The following MECOM variants were observed in gnomAD, a reference collection of about 807,000 sequenced individuals.
MECOM encodes histone-lysine N-methyltransferase MECOM.
Under a neutral mutation model 116.3 loss-of-function variants are expected in MECOM, and 13 were observed. The observed-to-expected ratio is 0.11, with a 90% CI of 0.07 to 0.18. The LOEUF is 0.18. Among genes scored for constraint, MECOM ranks in the 10% least tolerant of loss-of-function variants. MECOM has a pLI of 1.00. For missense variants in MECOM, 1,299 were observed against 1,509.0 expected (o/e 0.86, Z 2.31); for synonymous variants, 528 against 535.2 (o/e 0.99, Z 0.19).
At chr3:169,604,482 A>C (rs901949136) in intron 1 of MECOM, among the ~76,000 whole-genome samples, 5 of 152,198 alleles carry the variant, frequency 3.3e-5, no homozygotes, top group Admixed American at 1.3e-4. Context: ...ACTACTTTGC[A>C]TTTGTACCCC....
intron 1 of MECOM, among the ~76,000 whole-genome samples, chr3:169,648,048 G>A (rs1774399802): frequency 6.6e-6 from 1 of 152,132 alleles, no homozygotes; most frequent in South Asian, 2.1e-4. Flanking sequence ...AAACACCACA[G>A]AGAGCATTTT....
chr3:169,215,879 C>T (rs1392949676), intron 2 of MECOM, among the ~76,000 whole-genome samples: 2 of 152,222 alleles, frequency 1.3e-5, no homozygotes, highest in African/African-American at 4.8e-5. Context: ...GGCATTCCGC[C>T]TCAGCTGGCA....
At chr3:169,331,481 A>G (rs1450323201) in intron 2 of MECOM, among the ~76,000 whole-genome samples, 2 of 152,202 alleles carry the variant, frequency 1.3e-5, no homozygotes, top group Non-Finnish European at 1.5e-5. Flanking sequence ...AAGAGGATTT[A>G]TATAATAAAA....
chr3:169,243,380 T>G (rs867015566), intron 2 of MECOM, among the ~76,000 whole-genome samples: 19 of 152,168 alleles, frequency 1.2e-4, no homozygotes, highest in African/African-American at 4.6e-4. Context: ...AGGCTATTCT[T>G]GCATAACCAT....
chr3:169,477,490 T>C (rs1170811710), intron 1 of MECOM, among the ~76,000 whole-genome samples: 1 of 152,110 alleles, frequency 6.6e-6, no homozygotes, highest in Admixed American at 6.5e-5. Context: ...CTGCAGGATT[T>C]TTATGTGAGA....
At chr3:169,399,185 G>C (rs1227195344) in intron 1 of MECOM, among the ~76,000 whole-genome samples, 1 of 152,128 alleles carries the variant, frequency 6.6e-6, no homozygotes, top group African/African-American at 2.4e-5. Flanking sequence ...CTCAGTGGCT[G>C]TAAATACACT....
At chr3:169,220,761 C>T (rs1437076182) in intron 2 of MECOM, among the ~76,000 whole-genome samples, 1 of 152,174 alleles carries the variant, frequency 6.6e-6, no homozygotes, top group African/African-American at 2.4e-5. Context: ...AGGCTTAAGC[C>T]ACCGTGCCTG....
intron 1 of MECOM, among the ~76,000 whole-genome samples, chr3:169,653,806 G>T (rs888023821): frequency 1.3e-5 from 2 of 152,136 alleles, no homozygotes; most frequent in Non-Finnish European, 2.9e-5. Context: ...AGGAAACTGA[G>T]GCACAAAAAG....
intron 1 of MECOM, among the ~76,000 whole-genome samples, chr3:169,523,517 TG>T (rs1378681043): frequency 6.6e-6 from 1 of 151,976 alleles, no homozygotes; most frequent in Non-Finnish European, 1.5e-5. Flanking sequence ...AATTACATAC[TG>T]GGTTCTGTAC....
chr3:169,432,861 G>A lies in MECOM; in HGVS notation c.38-51337C>T, dbSNP rs1281255212. Reference sequence around the variant, plus strand: ...TTGTTCTATTCTGTGCCAAGATTCTGCTCCAGCTGCAACTAAATAGTGGTT... The same window carrying A: ...TTGTTCTATTCTGTGCCAAGATTCTACTCCAGCTGCAACTAAATAGTGGTT... On this transcript the variant is annotated intron_variant, in intron 1 of 16. Transcript: ENST00000651503. 2.6e-5 allele frequency among the ~76,000 whole-genome samples: 4 copies of A among 152,298 alleles called. No homozygotes were observed. In the South Asian group the frequency reaches 8.3e-4, roughly 32 times the overall value.
At chr3:169,413,560 G>T (rs944671628) in intron 1 of MECOM, among the ~76,000 whole-genome samples, 2 of 151,938 alleles carry the variant, frequency 1.3e-5, no homozygotes, top group African/African-American at 4.8e-5. Context: ...CCTGCAAAGG[G>T]GGCTGAAGCC....
intron 1 of MECOM, among the ~76,000 whole-genome samples, chr3:169,482,580 C>T (rs1360920584): frequency 2.0e-5 from 3 of 152,090 alleles, no homozygotes; most frequent in Non-Finnish European, 2.9e-5. Flanking sequence ...GTGATCCGCC[C>T]GCCTCGGCCT....
intron 2 of MECOM, among the ~76,000 whole-genome samples, chr3:169,358,205 T>C (rs550464244): frequency 6.6e-6 from 1 of 151,884 alleles, no homozygotes; most frequent in African/African-American, 2.4e-5. Flanking sequence ...TTTGATGTAA[T>C]GTCATTTGCT....
Position 169,100,101 on chromosome 3 carries a change from C to CT in MECOM, c.2849+783dup, listed in dbSNP as rs869032341. Among the ~76,000 whole-genome samples the CT allele has an allele frequency of 1.6e-3, 80 of 50,634 alleles. 2 individuals are homozygous for CT. In the South Asian group the frequency reaches 0.022, roughly 14 times the overall value. The allele number at this position is 50,634 out of a possible 152,430, so 33.2% of individuals were successfully genotyped here. A position where few individuals can be genotyped will look rare whatever the true frequency, so the allele number is the denominator to read the frequency against. On this transcript the variant is annotated intron_variant, in intron 12 of 16. Coordinates refer to ENST00000651503, the MANE Select transcript of MECOM (RefSeq NM_004991.4). ...TTTTTCTTTCTTTCTTTCTTTCTTT[C>CT]TTTTTTTTTTTTTTTTTGACAGAGT...
At chr3:169,481,313 G>A (rs368384433) in intron 1 of MECOM, among the ~76,000 whole-genome samples, 2 of 152,194 alleles carry the variant, frequency 1.3e-5, no homozygotes, top group East Asian at 1.9e-4. Context: ...AGCACTTTGG[G>A]AGGACGAGGC....
At chr3:169,099,249 T>C (rs537503268) in intron 12 of MECOM, among the ~76,000 whole-genome samples, 39 of 152,188 alleles carry the variant, frequency 2.6e-4, no homozygotes, top group African/African-American at 8.7e-4. Flanking sequence ...AATAAAACCA[T>C]TGAAATTTAT....
intron 2 of MECOM, among the ~76,000 whole-genome samples, chr3:169,273,842 G>A (rs1228494299): frequency 1.3e-5 from 2 of 151,638 alleles, no homozygotes; most frequent in African/African-American, 2.4e-5. Context: ...TCATGGCTGT[G>A]TGGAGGCCAC....
chr3:169,256,707 A>C (rs1369269554), intron 2 of MECOM, among the ~76,000 whole-genome samples: 1 of 152,234 alleles, frequency 6.6e-6, no homozygotes, highest in Non-Finnish European at 1.5e-5. Flanking sequence ...AGATACACTC[A>C]GTCATCAGTA....
intron 1 of MECOM, among the ~76,000 whole-genome samples, chr3:169,590,433 G>C (rs1291602193): frequency 6.6e-6 from 1 of 152,232 alleles, no homozygotes; most frequent in Non-Finnish European, 1.5e-5. Context: ...TGCTCCCACA[G>C]AGGAATGGCC....
Sources: allele counts gnomAD v4.1 joint callset (sites outside exome capture counted in the v4.1 genomes callset), GRCh38; gene constraint gnomAD v4.1.1; transcripts MANE v1.5; gene names NCBI Gene and HGNC (gene_info 2026-07-23, HGNC 2026-07-21).